Variants in RELN observed in about 807,000 individuals in gnomAD.
The protein encoded by RELN is reelin.
In RELN, 108 loss-of-function variants were observed where a neutral mutation model predicts 427.6. That is an observed-to-expected ratio of 0.25 (90% CI 0.22 to 0.30). The LOEUF (loss-of-function observed/expected upper bound fraction) is 0.30, where lower values mean the gene tolerates loss of function less well. Among genes scored for constraint, RELN ranks in the 10% least tolerant of loss-of-function variants. The pLI is 1.00. For synonymous variants in RELN, 1,524 were observed against 1,513.4 expected (o/e 1.01, Z -0.16); for missense variants, 3,715 against 4,302.8 (o/e 0.86, Z 3.82).
intron 27 of RELN, among the ~76,000 whole-genome samples, chr7:103,592,499 A>C (rs1007851009): frequency 1.3e-5 from 2 of 152,162 alleles, no homozygotes; most frequent in Admixed American, 6.5e-5. Context: ...ATACACATGC[A>C]TGTGTCTTTA....
intron 49 of RELN, 76 bp from the exon 50 acceptor site, chr7:103,515,517 C>T: frequency 6.3e-7 from 1 of 1,580,326 alleles, no homozygotes; most frequent in South Asian, 1.1e-5. Context: ...GATTTACAAC[C>T]AGCCATAAGA....
At chr7:103,597,340 T>C (rs928492554) in intron 24 of RELN, among the ~76,000 whole-genome samples, 1 of 152,154 alleles carries the variant, frequency 6.6e-6, no homozygotes, top group Non-Finnish European at 1.5e-5. Flanking sequence ...CGGTGGCTCA[T>C]GCCTGTAATC....
Position 103,833,585 on chromosome 7 carries a change from CTG to C in RELN, c.423_424del (p.Ser142PhefsTer37). 6.2e-7 allele frequency: 1 copy of C among 1,614,034 alleles called. No individual in the cohort carries two copies. Among genetic ancestry groups the C allele is most frequent in the Non-Finnish European group, 8.5e-7 (1 of 1,179,946 alleles). ...CGCAGGTGGAGCAATCCAGATGAAA[CTG>C]AGGTTGGTTGTGGGCAGGTGACTCA... On this transcript the variant is annotated frameshift_variant, in exon 3 of 65. Transcript: ENST00000428762. LOFTEE classifies it high-confidence loss of function.
chr7:103,987,084 A>G (rs1181914631), intron 1 of RELN, among the ~76,000 whole-genome samples: 1 of 151,942 alleles, frequency 6.6e-6, no homozygotes, highest in Non-Finnish European at 1.5e-5. Context: ...CAAAAAAAAA[A>G]AAAAAAACTC....
At chr7:103,639,566 A>ATTTTTG (rs1832656663) in intron 17 of RELN, among the ~76,000 whole-genome samples, 1 of 151,608 alleles carries the variant, frequency 6.6e-6, no homozygotes, top group East Asian at 1.9e-4. Context: ...CGCCCGGCTA[A>ATTTTTG]TTTTTGTATT....
At chr7:103,578,828 A>G (rs1831062088) in intron 28 of RELN, among the ~76,000 whole-genome samples, 1 of 152,228 alleles carries the variant, frequency 6.6e-6, no homozygotes, top group Non-Finnish European at 1.5e-5. Context: ...AATTGTTACT[A>G]CTAATGTATT....
intron 4 of RELN, among the ~76,000 whole-genome samples, chr7:103,756,499 A>G (rs1791158316): frequency 2.0e-5 from 3 of 152,228 alleles, no homozygotes; most frequent in Admixed American, 1.3e-4. Flanking sequence ...CACCCAAGAC[A>G]TAAGCCAAAG....
chr7:103,509,272 C>G (rs1829317925), intron 51 of RELN, among the ~76,000 whole-genome samples: 1 of 152,134 alleles, frequency 6.6e-6, no homozygotes, highest in Admixed American at 6.5e-5. Flanking sequence ...GCAACAGTAA[C>G]AAAAACAGCA....
intron 12 of RELN, among the ~76,000 whole-genome samples, chr7:103,655,165 A>C (rs1833000164): frequency 6.6e-6 from 1 of 151,998 alleles, no homozygotes; most frequent in Non-Finnish European, 1.5e-5. Flanking sequence ...GTATAACCTG[A>C]ATATTAAAGG....
At chr7:103,777,435 T>C (rs1008453251) in intron 3 of RELN, among the ~76,000 whole-genome samples, 1 of 152,196 alleles carries the variant, frequency 6.6e-6, no homozygotes, top group African/African-American at 2.4e-5. Context: ...CAAAACTTTT[T>C]TTAATAACAA....
At chr7:103,712,556 C>A (rs1789832389) in intron 8 of RELN, among the ~76,000 whole-genome samples, 1 of 152,156 alleles carries the variant, frequency 6.6e-6, no homozygotes, top group Non-Finnish European at 1.5e-5. Context: ...ATGCCTAGAG[C>A]AGCACTCTAT....
At chr7:103,501,593 T>C (rs956440943) in intron 52 of RELN, among the ~76,000 whole-genome samples, 7 of 152,228 alleles carry the variant, frequency 4.6e-5, no homozygotes, top group African/African-American at 1.7e-4. Context: ...TGAAGGAACT[T>C]TCTGGGGTGA....
At position 103,569,064 on chromosome 7, in the gene RELN, G is replaced by A. The variant is rs1830824060; in HGVS notation, c.4589-2305C>T. Among the ~76,000 whole-genome samples, 1 of 152,208 alleles carries A rather than the reference G, an allele frequency of 6.6e-6. No individual in the cohort carries two copies. Among genetic ancestry groups the A allele is most frequent in the Non-Finnish European group, 1.5e-5 (1 of 68,042 alleles). ...AACTTGCTTCTAATGAATAGAATAT[G>A]GTGGAAGTAATGGTGTGTAACTTTG... On this transcript the variant is annotated intron_variant, in intron 31 of 64. Transcript: ENST00000428762. The surrounding 1 kb of genome is among the most constrained non-coding windows in gnomAD (Gnocchi z 4.0).
chr7:103,888,649 G>C (rs139006692), intron 2 of RELN, among the ~76,000 whole-genome samples: 1 of 152,032 alleles, frequency 6.6e-6, no homozygotes, highest in Admixed American at 6.5e-5. Context: ...CTTGGCCTTC[G>C]TAGAAAGTAT....
At chr7:103,481,162 T>C (rs1453095701) in intron 63 of RELN, among the ~76,000 whole-genome samples, 1 of 152,218 alleles carries the variant, frequency 6.6e-6, no homozygotes, top group African/African-American at 2.4e-5. Context: ...TCTGAACCCC[T>C]CGCCCCTGCT....
At chr7:103,918,537 A>G (rs1052358568) in intron 1 of RELN, among the ~76,000 whole-genome samples, 1 of 152,138 alleles carries the variant, frequency 6.6e-6, no homozygotes, top group African/African-American at 2.4e-5. Flanking sequence ...GTGGCAAAGT[A>G]ACCATGGCCA....
rs753619762 is a variant in RELN at position 103,989,194 on chromosome 7, C to A, written c.163G>T (p.Val55Leu). The A allele has an allele frequency of 6.2e-7, 1 of 1,614,136 alleles. No homozygotes were observed. The highest frequency in any genetic ancestry group is 8.5e-7 in the Non-Finnish European group (1 of 1,180,012). Residue 55 changes from valine to leucine, a missense_variant, in exon 1 of 65, where the codon GTG becomes TTG. By Grantham distance (32) the Val-to-Leu change is conservative. Transcript: ENST00000428762. This position sits in a 1 kb window ranked among gnomAD's most constrained non-coding sequence, Gnocchi z 4.9. ...ELEGDGEQGE[V>L]LISLHIAGNP... Reference sequence around the variant, plus strand: ...CCCGCAATATGCAGGGAAATGAGCACCTCGCCCTGCTCCCCATCCCCTTCC... The same window carrying A: ...CCCGCAATATGCAGGGAAATGAGCAACTCGCCCTGCTCCCCATCCCCTTCC...
At chr7:103,646,556 C>A (rs562309472) in intron 16 of RELN, among the ~76,000 whole-genome samples, 1 of 151,954 alleles carries the variant, frequency 6.6e-6, no homozygotes, top group South Asian at 2.1e-4. Flanking sequence ...ATACCTCCTC[C>A]TAAGATTGAA....
In RELN at chr7:103,771,387, C is replaced by T. The variant is rs78146220; in HGVS notation, c.544+5170G>A. Among the ~76,000 whole-genome samples, 1,156 of 152,190 alleles carry T rather than the reference C, an allele frequency of 7.6e-3. 11 individuals are homozygous for T. The highest frequency in any genetic ancestry group is 0.026 in the African/African-American group (1,070 of 41,516). ...AGTTCCCTCTTCTTCCCACTCCTGC[C>T]CAGTCACTGGTCTTTCTCACTTGGC... On this transcript the variant is annotated intron_variant, in intron 4 of 64. Coordinates refer to ENST00000428762, the MANE Select transcript of RELN (RefSeq NM_005045.4).
Sources: gnomAD v4.1 joint callset for allele counts (sites outside exome capture counted in the v4.1 genomes callset) on GRCh38, gnomAD v4.1.1 for gene constraint, Gnocchi (gnomAD v3.1) non-coding constraint, MANE v1.5 for transcripts, NCBI Gene and HGNC (gene_info 2026-07-23, HGNC 2026-07-21) for gene names.